MED6: variants seen among roughly 807,000 people sequenced by gnomAD.
The protein encoded by MED6 is mediator of RNA polymerase II transcription subunit 6.
In MED6, 33 loss-of-function variants were observed where a neutral mutation model predicts 37.5. The ratio of observed to expected loss-of-function variants is 0.88; its 90% CI spans 0.67 to 1.18. MED6 has a LOEUF of 1.18. Ranked by LOEUF, MED6 falls within the 50% of genes most tolerant of loss-of-function variation. The pLI is 0.00. For synonymous variants in MED6, 94 were observed against 93.6 expected, an observed-to-expected ratio of 1.00 and a Z score of -0.02; for missense variants, 235 against 290.6, an observed-to-expected ratio of 0.81 and a Z score of 1.39.
intron 6 of MED6, among the ~76,000 whole-genome samples, 162 bp from the exon 7 acceptor site, chr14:70,585,945 T>G (rs184674746): frequency 4.6e-5 from 7 of 152,230 alleles, no homozygotes; most frequent in Admixed American, 3.9e-4. Flanking sequence ...ATGTATGTAC[T>G]ATAAAGTAAA....
In MED6 at chr14:70,593,365, A is replaced by T. The variant is rs1260895841; in HGVS notation, c.288T>A (p.Ala96=). The T allele has an allele frequency of 6.2e-7, 1 of 1,613,290 alleles. No individual in the cohort carries two copies. The highest frequency in any genetic ancestry group is 1.7e-5 in the Admixed American group (1 of 60,014). Residue 96 remains alanine, a synonymous_variant, in exon 4 of 8, where the codon GCT becomes GCA. Coordinates refer to ENST00000256379, the MANE Select transcript of MED6 (RefSeq NM_005466.4). ...RQSPAQVIPL[A]DYYIIAGVIY... Reference sequence around the variant, plus strand: ...TCACTCCAGCAATGATATAGTAATCAGCTAGTGGGATAACTAAAACAGTGG... The same window carrying T: ...TCACTCCAGCAATGATATAGTAATCTGCTAGTGGGATAACTAAAACAGTGG...
chr14:70,585,367 A>C (rs536600863), intron 7 of MED6, among the ~76,000 whole-genome samples: 1 of 146,444 alleles, frequency 6.8e-6, no homozygotes, highest in Non-Finnish European at 1.5e-5. Context: ...TTTCACTACC[A>C]CAATCACTAC....
intron 3 of MED6, chr14:70,595,052 A>C (rs1179478761): frequency 3.6e-6 from 2 of 556,070 alleles, no homozygotes; most frequent in African/African-American, 1.9e-5. Flanking sequence ...GATAGAGTCA[A>C]GTATGAGACA....
At chr14:70,593,502 G>C (rs192518966) in intron 3 of MED6, 124 bp from the exon 4 acceptor site, 1 of 695,210 alleles carries the variant, frequency 1.4e-6, no homozygotes, top group African/African-American at 1.8e-5. Context: ...TTACTGTTTT[G>C]GTAAAGCTGT....
In MED6 at chr14:70,597,965, G is replaced by C. The variant is rs113792706; in HGVS notation, c.23-188C>G. On this transcript the variant is annotated intron_variant, in intron 1 of 7. Coordinates refer to ENST00000256379, the MANE Select transcript of MED6 (RefSeq NM_005466.4). ...AAGCAATAACATGATTAAGTCTTATGATAAAGACATGGTGAAACCCTGTCT... is the reference window on the plus strand; with the variant it reads ...AAGCAATAACATGATTAAGTCTTATCATAAAGACATGGTGAAACCCTGTCT... 3.2e-5 allele frequency: 13 copies of C among 400,028 alleles called. 1 individual carries two copies. Among genetic ancestry groups the C allele is most frequent in the African/African-American group, 2.7e-4 (13 of 48,070 alleles). The allele number at this position is 400,028 out of a possible 1,614,324, so 24.8% of individuals were successfully genotyped here.
At chr14:70,592,856 G>A in intron 5 of MED6, 24 bp downstream of exon 5, 1 of 1,611,250 alleles carries the variant, frequency 6.2e-7, no homozygotes, top group Non-Finnish European at 8.5e-7. Context: ...AAGTGTTTTA[G>A]GAGGGTATGG....
intron 6 of MED6, among the ~76,000 whole-genome samples, chr14:70,586,956 G>A (rs1884726597): frequency 6.6e-6 from 1 of 152,168 alleles, no homozygotes; most frequent in Non-Finnish European, 1.5e-5. Flanking sequence ...CCATTCCCTG[G>A]TAATAGTGGC....
chr14:70,587,896 A>G (rs1371220355), intron 6 of MED6, among the ~76,000 whole-genome samples: 2 of 152,264 alleles, frequency 1.3e-5, no homozygotes, highest in Non-Finnish European at 2.9e-5. Context: ...AAGAATTAAA[A>G]TATGGAAAAA....
chr14:70,591,428 G>A, intron 5 of MED6, 47 bp from the exon 6 acceptor site: 2 of 1,438,610 alleles, frequency 1.4e-6, no homozygotes, highest in Non-Finnish European at 1.9e-6. Context: ...ACTTAGTTTG[G>A]TGTCTCATAT....
At chr14:70,586,132 TAA>T (rs985672249) in intron 6 of MED6, among the ~76,000 whole-genome samples, 1 of 152,162 alleles carries the variant, frequency 6.6e-6, no homozygotes, top group Admixed American at 6.5e-5. Flanking sequence ...GAAGAAATAA[TAA>T]GTCTTTCAAT....
At chr14:70,598,056 G>C (rs1351532917) in intron 1 of MED6, among the ~76,000 whole-genome samples, 1 of 152,026 alleles carries the variant, frequency 6.6e-6, no homozygotes, top group Non-Finnish European at 1.5e-5. Flanking sequence ...GCACTTTAGG[G>C]GGCTGAGGTA....
intron 6 of MED6, among the ~76,000 whole-genome samples, chr14:70,588,180 GATT>G (rs1884765113): frequency 6.6e-6 from 1 of 152,168 alleles, no homozygotes; most frequent in South Asian, 2.1e-4. Flanking sequence ...AAAGCAAAAA[GATT>G]ATTAATAGTT....
chr14:70,595,575 T>C, intron 3 of MED6: 1 of 714,584 alleles, frequency 1.4e-6, no homozygotes, highest in African/African-American at 1.7e-5. Flanking sequence ...GTACCTGGAG[T>C]TGGAGCTGGC....
chr14:70,591,545 A>G (rs1884870484), intron 5 of MED6, 164 bp from the exon 6 acceptor site: 1 of 554,484 alleles, frequency 1.8e-6, no homozygotes, highest in Admixed American at 3.7e-5. Context: ...CATATACAGA[A>G]GTGTTGTTAA....
chr14:70,596,372 G>A (rs888991520), intron 3 of MED6: 6 of 386,794 alleles, frequency 1.6e-5, no homozygotes, highest in Admixed American at 1.2e-4. Context: ...GACCCCACCT[G>A]ACATGTCTTT....
chr14:70,600,499 C>T, intron 1 of MED6, 117 bp downstream of exon 1: 1 of 1,160,716 alleles, frequency 8.6e-7, no homozygotes, highest in Non-Finnish European at 1.2e-6. Flanking sequence ...TCCACAAAAA[C>T]CACTCAAAAA....
chr14:70,598,462 G>A (rs765396715), intron 1 of MED6, among the ~76,000 whole-genome samples: 4 of 151,898 alleles, frequency 2.6e-5, no homozygotes, highest in Admixed American at 6.6e-5. Context: ...GCGACAGAGC[G>A]AGACTCCGTC....
chr14:70,585,746 T>C lies in MED6; in HGVS notation c.610+10A>G. 1.3e-6 allele frequency: 2 copies of C among 1,596,976 alleles called. No individual in the cohort carries two copies. Among genetic ancestry groups the C allele is most frequent in the Non-Finnish European group, 1.7e-6 (2 of 1,172,838 alleles). ...TTTCAAGCGTAATAAGAATATTACATGAACCATACCTGGAACAGGCTTTTC... is the reference window on the plus strand; with the variant it reads ...TTTCAAGCGTAATAAGAATATTACACGAACCATACCTGGAACAGGCTTTTC... On this transcript the variant is annotated intron_variant, in intron 7 of 7. Coordinates refer to ENST00000256379, the MANE Select transcript of MED6 (RefSeq NM_005466.4).
chr14:70,583,944 T>C lies in MED6; in HGVS notation c.*869A>G, dbSNP rs1216515811. ...TCAATGCTGGACTTCTCAGCCTCCA[T>C]AACTTTAAAAAAAATAAAATTCCTT... is the stretch of plus-strand genomic sequence containing the variant. On this transcript the variant is annotated 3_prime_UTR_variant, in exon 8 of 8. Coordinates refer to ENST00000256379, the MANE Select transcript of MED6 (RefSeq NM_005466.4). The C allele has an allele frequency of 9.0e-6, 4 of 443,420 alleles. No homozygotes were observed. Among genetic ancestry groups the C allele is most frequent in the Non-Finnish European group, 7.9e-6 (2 of 252,704 alleles). 27.5% of individuals were successfully genotyped at this position (443,420 alleles called of 1,614,324 possible). A position where few individuals can be genotyped will look rare whatever the true frequency, so the allele number is the denominator to read the frequency against.
Sources: allele counts gnomAD v4.1 joint callset (sites outside exome capture counted in the v4.1 genomes callset), GRCh38; gene constraint gnomAD v4.1.1; transcripts MANE v1.5; gene names NCBI Gene and HGNC (gene_info 2026-07-23, HGNC 2026-07-21).